ST6GALNAC5: variants seen among roughly 807,000 people sequenced by gnomAD.
ST6GALNAC5 encodes the protein ST6 N-acetylgalactosaminide alpha-2,6-sialyltransferase 5.
A neutral mutation model predicts 33.6 loss-of-function variants in ST6GALNAC5; 27 were observed. The observed-to-expected ratio is 0.80, with a 90% CI of 0.59 to 1.11. The LOEUF is 1.11. ST6GALNAC5 is among the 50% of genes least tolerant of loss of function. The probability of loss-of-function intolerance (pLI) is 0.00; values close to 1 mark genes in which losing one functional copy is unlikely to be tolerated. For synonymous variants in ST6GALNAC5, 194 were observed against 171.2 expected (o/e 1.13, Z -1.04); for missense variants, 428 against 454.0 (o/e 0.94, Z 0.52).
chr1:76,917,396 A>G (rs1482190244), intron 2 of ST6GALNAC5, among the ~76,000 whole-genome samples: 2 of 152,288 alleles, frequency 1.3e-5, no homozygotes, highest in East Asian at 3.9e-4. Flanking sequence ...CAACAGTGTC[A>G]AAATGTTCTC....
chr1:76,941,490 T>C (rs1647334634), intron 2 of ST6GALNAC5, among the ~76,000 whole-genome samples: 1 of 152,064 alleles, frequency 6.6e-6, no homozygotes, highest in Non-Finnish European at 1.5e-5. Flanking sequence ...CACCTCCTAA[T>C]CACTAGAACC....
rs139354664 is a variant in ST6GALNAC5, at chr1:76,880,777, C to T, written c.261+12035C>T. Among the ~76,000 whole-genome samples the T allele has an allele frequency of 6.1e-3, 935 of 152,258 alleles. 14 individuals carry two copies. The highest frequency in any genetic ancestry group is 0.02 in the African/African-American group (828 of 41,548). On this transcript the variant is annotated intron_variant, in intron 2 of 4. Transcript: ENST00000477717. ...ACACCCAGGATTAATACTTTGTATCCCCCAATCCAATCAAGTTGACACTTA... is the reference window on the plus strand; with the variant it reads ...ACACCCAGGATTAATACTTTGTATCTCCCAATCCAATCAAGTTGACACTTA...
chr1:77,030,944 A>G (rs1296263959), intron 2 of ST6GALNAC5, among the ~76,000 whole-genome samples: 1 of 152,216 alleles, frequency 6.6e-6, no homozygotes, highest in Non-Finnish European at 1.5e-5. Flanking sequence ...AGCGGAGTGA[A>G]GGCAGTTGTG....
intron 4 of ST6GALNAC5, among the ~76,000 whole-genome samples, chr1:77,059,927 A>G (rs898859177): frequency 2.6e-5 from 4 of 152,258 alleles, no homozygotes; most frequent in African/African-American, 9.6e-5. Flanking sequence ...TTATAATCCA[A>G]TACTGACATT....
chr1:76,942,496 G>A (rs562494047), intron 2 of ST6GALNAC5, among the ~76,000 whole-genome samples: 1 of 152,160 alleles, frequency 6.6e-6, no homozygotes, highest in South Asian at 2.1e-4. Flanking sequence ...TTTGGTCTAT[G>A]GAGATACTTA....
chr1:77,003,791 C>A (rs1056628636), intron 2 of ST6GALNAC5, among the ~76,000 whole-genome samples: 58 of 150,618 alleles, frequency 3.9e-4, no homozygotes, highest in Non-Finnish European at 6.2e-4. Context: ...GTGGAAAATT[C>A]TTTTCTTTAA....
intron 2 of ST6GALNAC5, among the ~76,000 whole-genome samples, chr1:76,876,394 G>A (rs2100916466): frequency 6.6e-6 from 1 of 152,334 alleles, no homozygotes; most frequent in South Asian, 2.1e-4. Flanking sequence ...AATGACAGGG[G>A]TGGCTGGGGA....
intron 2 of ST6GALNAC5, among the ~76,000 whole-genome samples, chr1:77,002,333 G>A (rs1266024774): frequency 6.6e-6 from 1 of 151,998 alleles, no homozygotes; most frequent in Non-Finnish European, 1.5e-5. Flanking sequence ...GATCAGTGGT[G>A]GTATCCCCTT....
chr1:76,880,522 T>C (rs1337512515), intron 2 of ST6GALNAC5, among the ~76,000 whole-genome samples: 3 of 152,074 alleles, frequency 2.0e-5, no homozygotes, highest in African/African-American at 7.2e-5. Flanking sequence ...CAATAGGCTG[T>C]CCACAAGCTT....
intron 2 of ST6GALNAC5, among the ~76,000 whole-genome samples, chr1:76,897,220 G>A (rs1654165963): frequency 6.6e-6 from 1 of 152,158 alleles, no homozygotes; most frequent in African/African-American, 2.4e-5. Context: ...AGGCTGGGAT[G>A]AAGGGTGCAA....
At chr1:77,019,080 A>G (rs892790847) in intron 2 of ST6GALNAC5, among the ~76,000 whole-genome samples, 4 of 152,208 alleles carry the variant, frequency 2.6e-5, no homozygotes, top group Admixed American at 2.6e-4. Flanking sequence ...AAAAGATTCT[A>G]TCTTGCTTAA....
intron 2 of ST6GALNAC5, among the ~76,000 whole-genome samples, chr1:76,956,548 G>C (rs1201016196): frequency 1.3e-5 from 2 of 152,200 alleles, no homozygotes; most frequent in Non-Finnish European, 1.5e-5. Flanking sequence ...CCCTCCTGTG[G>C]GAAGCCTACA....
chr1:76,880,410 T>G (rs926439676), intron 2 of ST6GALNAC5, among the ~76,000 whole-genome samples: 2 of 152,154 alleles, frequency 1.3e-5, no homozygotes, highest in African/African-American at 4.8e-5. Context: ...GCTACAAAAA[T>G]CTGTATTAGT....
chr1:76,958,191 T>C (rs1403976326), intron 2 of ST6GALNAC5, among the ~76,000 whole-genome samples: 1 of 152,222 alleles, frequency 6.6e-6, no homozygotes, highest in East Asian at 1.9e-4. Flanking sequence ...ACCGCTTCTC[T>C]GCACAGTCAT....
chr1:77,049,362 C>T (rs532375564), intron 3 of ST6GALNAC5, among the ~76,000 whole-genome samples: 6 of 151,922 alleles, frequency 3.9e-5, no homozygotes, highest in South Asian at 4.2e-4. Context: ...TGAGGCATGC[C>T]GTAAGTACTG....
At chr1:77,053,831 T>C (rs1297240621) in intron 4 of ST6GALNAC5, among the ~76,000 whole-genome samples, 4 of 152,106 alleles carry the variant, frequency 2.6e-5, no homozygotes, top group Admixed American at 2.6e-4. Flanking sequence ...GAACTGGCAT[T>C]ATGTGGCCTC....
chr1:77,010,875 T>C (rs1650609448), intron 2 of ST6GALNAC5, among the ~76,000 whole-genome samples: 1 of 152,248 alleles, frequency 6.6e-6, no homozygotes, highest in Non-Finnish European at 1.5e-5. Flanking sequence ...CCAGTTCTCC[T>C]GAAAATGATA....
chr1:76,962,679 T>C (rs548987419), intron 2 of ST6GALNAC5, among the ~76,000 whole-genome samples: 1 of 152,346 alleles, frequency 6.6e-6, no homozygotes, highest in South Asian at 2.1e-4. Context: ...CTAGTGCATG[T>C]GCACACACAT....
intron 2 of ST6GALNAC5, among the ~76,000 whole-genome samples, chr1:76,925,176 T>A (rs1251635914): frequency 6.6e-6 from 1 of 151,922 alleles, no homozygotes; most frequent in Non-Finnish European, 1.5e-5. Flanking sequence ...AAGAATTCAC[T>A]CATCACCAAG....
Sources: gnomAD v4.1 joint callset for allele counts (sites outside exome capture counted in the v4.1 genomes callset) on GRCh38, gnomAD v4.1.1 for gene constraint, MANE v1.5 for transcripts, NCBI Gene and HGNC (gene_info 2026-07-23, HGNC 2026-07-21) for gene names.